Variants in ARID1B observed in about 807,000 individuals in gnomAD.
The protein encoded by ARID1B is AT-rich interaction domain 1B.
A neutral mutation model predicts 212.3 loss-of-function variants in ARID1B; 30 were observed. The observed-to-expected ratio is 0.14, with a 90% confidence interval of 0.11 to 0.19. ARID1B has a LOEUF of 0.19. ARID1B is among the 10% of genes least tolerant of loss of function. The probability of loss-of-function intolerance (pLI) is 1.00; values close to 1 mark genes in which losing one functional copy is unlikely to be tolerated. For missense variants in ARID1B, 2,891 were observed against 3,204.0 expected, an observed-to-expected ratio of 0.90 and a Z score of 2.36; for synonymous variants, 1,402 against 1,301.7, an observed-to-expected ratio of 1.08 and a Z score of -1.66.
At chr6:156,950,050 A>G (rs1793459782) in intron 4 of ARID1B, among the ~76,000 whole-genome samples, 2 of 152,236 alleles carry the variant, frequency 1.3e-5, no homozygotes. Context: ...CGGAAATGTG[A>G]TGTTAGTGAC....
chr6:156,927,474 T>C (rs1157939804), intron 3 of ARID1B, among the ~76,000 whole-genome samples: 1 of 152,236 alleles, frequency 6.6e-6, no homozygotes, highest in Non-Finnish European at 1.5e-5. Flanking sequence ...ATTTTATTCC[T>C]GATCTGTTTT....
chr6:156,982,026 CTT>C (rs547017193), intron 4 of ARID1B, among the ~76,000 whole-genome samples: 5 of 142,632 alleles, frequency 3.5e-5, no homozygotes, highest in Admixed American at 1.4e-4. Flanking sequence ...TGGGATGTCT[CTT>C]TTTTTTTTTT....
intron 2 of ARID1B, among the ~76,000 whole-genome samples, chr6:156,863,544 T>G (rs1202420194): frequency 6.6e-6 from 1 of 152,160 alleles, no homozygotes; most frequent in Non-Finnish European, 1.5e-5. Context: ...TTGAGGAAAG[T>G]AGAGAGTAGT....
chr6:156,895,477 G>T (rs1300853207), intron 2 of ARID1B, among the ~76,000 whole-genome samples: 4 of 152,184 alleles, frequency 2.6e-5, no homozygotes, highest in Non-Finnish European at 5.9e-5. Flanking sequence ...GGAGCACCTG[G>T]TCTTGTAGTC....
At chr6:157,126,180 A>G (rs7747451) in intron 6 of ARID1B, among the ~76,000 whole-genome samples, 9,980 of 152,186 alleles carry the variant, frequency 0.066, 1,136 homozygotes, top group African/African-American at 0.23. Context: ...ATGCCTTTGT[A>G]TAGGGTTTTC....
chr6:157,070,957 C>G (rs1222132373), intron 4 of ARID1B, among the ~76,000 whole-genome samples: 2 of 152,154 alleles, frequency 1.3e-5, no homozygotes, highest in African/African-American at 4.8e-5. Context: ...TGGCACTGTA[C>G]AGAGAAATCC....
chr6:157,132,957 A>G lies in ARID1B; in HGVS notation c.2582-71A>G, dbSNP rs753844990. 8.0e-6 allele frequency: 12 copies of G among 1,491,182 alleles called. No individual in the cohort carries two copies. In the South Asian group the frequency reaches 9.4e-5, roughly 12 times the overall value. The allele number at this position is 1,491,182 out of a possible 1,614,324, so 92.4% of individuals were successfully genotyped here. A position where few individuals can be genotyped will look rare whatever the true frequency, so the allele number is the denominator to read the frequency against. On this transcript the variant is annotated intron_variant, in intron 6 of 19. Transcript: ENST00000636930. ...CCCCTGCCACCTGCCACATCAGTCC[A>G]TGTCCATTTTTATGTATGCAGAGAT...
intron 1 of ARID1B, among the ~76,000 whole-genome samples, chr6:156,786,476 G>A (rs894570748): frequency 2.0e-5 from 3 of 152,138 alleles, no homozygotes; most frequent in East Asian, 1.9e-4. Flanking sequence ...TCATGAACAG[G>A]CGTCTTTGGT....
At chr6:156,970,915 G>C (rs561270742) in intron 4 of ARID1B, among the ~76,000 whole-genome samples, 1 of 152,322 alleles carries the variant, frequency 6.6e-6, no homozygotes, top group African/African-American at 2.4e-5. Context: ...TGCTGTTTGC[G>C]TGAAAGTATA....
chr6:157,049,405 C>A (rs1252949322), intron 4 of ARID1B, among the ~76,000 whole-genome samples: 3 of 152,092 alleles, frequency 2.0e-5, no homozygotes, highest in African/African-American at 7.2e-5. Flanking sequence ...GTGTGAGGAA[C>A]TGGAGAGAAG....
intron 8 of ARID1B, chr6:157,166,232 GACAGTTA>G (rs1364671953): frequency 1.3e-5 from 2 of 152,194 alleles, no homozygotes; most frequent in Non-Finnish European, 2.9e-5. Flanking sequence ...GACATTGTGT[GACAGTTA>G]TCTGCTTCAA....
intron 2 of ARID1B, among the ~76,000 whole-genome samples, chr6:156,894,145 C>T (rs1352799598): frequency 2.6e-5 from 4 of 152,008 alleles, no homozygotes; most frequent in East Asian, 1.9e-4. Context: ...ACCTTGAATA[C>T]GTTATGCTAA....
intron 1 of ARID1B, among the ~76,000 whole-genome samples, chr6:156,787,029 T>C (rs6927409): frequency 0.48 from 72,749 of 150,688 alleles, 19,134 homozygotes; most frequent in African/African-American, 0.72. Context: ...TGTTGTGATA[T>C]AGTTGATGTG....
chr6:156,987,233 A>G (rs1379788163), intron 4 of ARID1B, among the ~76,000 whole-genome samples: 1 of 152,008 alleles, frequency 6.6e-6, no homozygotes, highest in Non-Finnish European at 1.5e-5. Context: ...TAAAAGCAAA[A>G]TATAAGATGG....
rs1048480492 is a variant in ARID1B, at chr6:156,988,320, C to T, written c.2247+52744C>T. On this transcript the variant is annotated intron_variant, in intron 4 of 19. Coordinates refer to ENST00000636930, the MANE Select transcript of ARID1B (RefSeq NM_001374828.1). ...ATTTGTGTGGTGTTTCAAAGGAACA[C>T]TTCTGTTTTAAGTGAGGTGACTCAC... 4.6e-5 allele frequency among the ~76,000 whole-genome samples: 7 copies of T among 152,272 alleles called. No homozygotes were observed. In the East Asian group the frequency reaches 1.4e-3, roughly 29 times the overall value.
chr6:157,021,397 C>A (rs1780244129), intron 4 of ARID1B, among the ~76,000 whole-genome samples: 1 of 152,224 alleles, frequency 6.6e-6, no homozygotes, highest in African/African-American at 2.4e-5. Flanking sequence ...CGCGGAGGCG[C>A]TGGGCGAGGA....
At chr6:156,811,176 A>G (rs1781529679) in intron 1 of ARID1B, among the ~76,000 whole-genome samples, 1 of 152,176 alleles carries the variant, frequency 6.6e-6, no homozygotes, top group Admixed American at 6.5e-5. Flanking sequence ...TCACCAGATT[A>G]TGTCAAGCCC....
intron 3 of ARID1B, among the ~76,000 whole-genome samples, chr6:156,927,856 T>C (rs1221613956): frequency 6.6e-6 from 1 of 152,192 alleles, no homozygotes. Flanking sequence ...TCCAAGACGA[T>C]AGCATCCCCG....
intron 4 of ARID1B, among the ~76,000 whole-genome samples, chr6:157,034,291 A>T (rs950794623): frequency 4.6e-5 from 7 of 152,220 alleles, no homozygotes; most frequent in Non-Finnish European, 1.0e-4. Context: ...AGTATTTATT[A>T]TGAATGAGTG....
Sources: gnomAD v4.1 joint callset for allele counts (sites outside exome capture counted in the v4.1 genomes callset) on GRCh38, gnomAD v4.1.1 for gene constraint, MANE v1.5 for transcripts, NCBI Gene and HGNC (gene_info 2026-07-23, HGNC 2026-07-21) for gene names.